Variants in DNAAF11 observed in about 807,000 individuals in gnomAD.
The protein encoded by DNAAF11 is leucine rich repeat containing 6.
Under a neutral mutation model 60.8 loss-of-function variants are expected in DNAAF11, and 45 were observed. That is an observed-to-expected ratio of 0.74 (90% CI 0.58 to 0.95). The LOEUF (loss-of-function observed/expected upper bound fraction) is 0.95, where lower values mean the gene tolerates loss of function less well. Among genes scored for constraint, DNAAF11 ranks in the 40% least tolerant of loss-of-function variants. The pLI, the probability that DNAAF11 is intolerant of heterozygous loss-of-function variation, is 0.00. For synonymous variants in DNAAF11, 191 were observed against 183.5 expected (o/e 1.04, Z -0.33); for missense variants, 546 against 546.2 (o/e 1.00, Z 0.00).
rs1013353433 is a variant in DNAAF11 at position 132,675,246 on chromosome 8, G to A, written c.10+238C>T. On this transcript the variant is annotated intron_variant, in intron 1 of 11. Transcript: ENST00000620350. ...TTCTGCCTCTTCCTCCCCTTCCCAC[G>A]GCCCCGCCCATTTTACAGATTAGGA... is the stretch of plus-strand genomic sequence containing the variant. 6.8e-6 allele frequency: 3 copies of A among 439,186 alleles called. No individual in the cohort carries two copies. In the Admixed American group the frequency reaches 1.3e-4, roughly 19 times the overall value. The allele number at this position is 439,186 out of a possible 1,614,324, so 27.2% of individuals were successfully genotyped here. A position where few individuals can be genotyped will look rare whatever the true frequency, so the allele number is the denominator to read the frequency against.
intron 2 of DNAAF11, among the ~76,000 whole-genome samples, chr8:132,660,859 G>A (rs959789146): frequency 1.3e-5 from 2 of 152,160 alleles, no homozygotes; most frequent in South Asian, 2.1e-4. Flanking sequence ...TAATTCTGAG[G>A]GCAATATTAG....
chr8:132,644,767 C>T (rs536620047), intron 3 of DNAAF11, among the ~76,000 whole-genome samples: 37 of 152,286 alleles, frequency 2.4e-4, no homozygotes, highest in Non-Finnish European at 4.7e-4. Context: ...AACTGCAAGG[C>T]GGCAGCAAGG....
intron 10 of DNAAF11, among the ~76,000 whole-genome samples, chr8:132,589,450 C>T (rs1290599255): frequency 1.3e-5 from 2 of 152,190 alleles, no homozygotes; most frequent in Admixed American, 6.5e-5. Flanking sequence ...ATTTTACACA[C>T]GTCCTTATTT....
intron 10 of DNAAF11, among the ~76,000 whole-genome samples, chr8:132,598,333 C>A (rs1563998016): frequency 6.6e-6 from 1 of 152,108 alleles, no homozygotes; most frequent in Non-Finnish European, 1.5e-5. Flanking sequence ...CATGACACAT[C>A]TATTTATTAA....
At chr8:132,635,104 A>G (rs985096864) in intron 4 of DNAAF11, among the ~76,000 whole-genome samples, 1 of 152,168 alleles carries the variant, frequency 6.6e-6, no homozygotes, top group African/African-American at 2.4e-5. Context: ...TTGGGACTGT[A>G]CCCCAGCACC....
At position 132,661,534 on chromosome 8, in the gene DNAAF11, C is replaced by T; in HGVS notation, c.104G>A (p.Arg35Lys). Residue 35 changes from arginine (R) to lysine (K), a missense_variant, in exon 2 of 12, where the codon AGA becomes AAA. Physicochemically the swap from Arg to Lys is conservative, Grantham distance 26. Coordinates refer to ENST00000620350, the MANE Select transcript of DNAAF11 (RefSeq NM_012472.6). ...GCACCATTTATCAATGTGTTCTAGTCTTTCTATTTCTTGCTGATGCAACGA... is the reference window on the plus strand; with the variant it reads ...GCACCATTTATCAATGTGTTCTAGTTTTTCTATTTCTTGCTGATGCAACGA... ...ELSLHQQEIE[R>K]LEHIDKWCRD... The T allele has an allele frequency of 6.2e-7, 1 of 1,613,818 alleles. No homozygotes were observed. The highest frequency in any genetic ancestry group is 8.5e-7 in the Non-Finnish European group (1 of 1,179,760).
At chr8:132,685,024 C>CTCAG in the DNAAF11 span, 1 of 151,518 alleles carries the variant, frequency 6.6e-6, no homozygotes, top group African/African-American at 2.4e-5. Flanking sequence ...AGAGTTTTTA[C>CTCAG]TTAGTTTATT....
chr8:132,685,530 C>A, the DNAAF11 span, among the ~76,000 whole-genome samples: 2 of 152,142 alleles, frequency 1.3e-5, no homozygotes, highest in African/African-American at 4.8e-5. Context: ...TGTGAGAAGA[C>A]TTTGTCATAT....
chr8:132,669,873 A>G (rs1265686512), intron 1 of DNAAF11, among the ~76,000 whole-genome samples: 2 of 150,592 alleles, frequency 1.3e-5, no homozygotes, highest in African/African-American at 2.4e-5. Flanking sequence ...CCCAGGAGGC[A>G]GAGCTTGCAG....
intron 5 of DNAAF11, 105 bp downstream of exon 5, chr8:132,632,635 C>T (rs755317916): frequency 4.2e-4 from 318 of 763,248 alleles, no homozygotes; most frequent in Non-Finnish European, 6.7e-4. Context: ...TTTCATTCTT[C>T]AAATTAATCT....
intron 3 of DNAAF11, chr8:132,643,743 A>C: frequency 2.2e-6 from 1 of 456,020 alleles, no homozygotes; most frequent in Non-Finnish European, 4.4e-6. Flanking sequence ...CAATACTTGG[A>C]GACAAGCATA....
chr8:132,649,214 C>A (rs1292840170), intron 3 of DNAAF11, among the ~76,000 whole-genome samples: 2 of 152,278 alleles, frequency 1.3e-5, no homozygotes, highest in East Asian at 3.9e-4. Flanking sequence ...AATAACACCA[C>A]ACATCTACAA....
the DNAAF11 span, among the ~76,000 whole-genome samples, chr8:132,695,340 G>C: frequency 6.6e-6 from 1 of 152,148 alleles, no homozygotes. Flanking sequence ...CTGTAGGAGG[G>C]AGGGGACAAT....
At chr8:132,698,657 T>C in the DNAAF11 span, among the ~76,000 whole-genome samples, 3 of 152,116 alleles carry the variant, frequency 2.0e-5, no homozygotes, top group Non-Finnish European at 2.9e-5. Context: ...ATGGGTCATA[T>C]CCAGCCATCC....
At chr8:132,695,936 T>C in the DNAAF11 span, among the ~76,000 whole-genome samples, 6 of 151,954 alleles carry the variant, frequency 3.9e-5, no homozygotes, top group African/African-American at 1.5e-4. Flanking sequence ...TGAGGATAAG[T>C]GAAAAGGTGT....
intron 7 of DNAAF11, among the ~76,000 whole-genome samples, chr8:132,617,378 A>G (rs1316798978): frequency 1.3e-5 from 2 of 152,276 alleles, no homozygotes; most frequent in East Asian, 3.9e-4. Flanking sequence ...TAAAGGGAAG[A>G]AATTGCTTTA....
chr8:132,590,920 C>T (rs1278151745), intron 10 of DNAAF11, among the ~76,000 whole-genome samples: 1 of 152,206 alleles, frequency 6.6e-6, no homozygotes, highest in Non-Finnish European at 1.5e-5. Context: ...AAATTATATA[C>T]TTTGATCTAC....
chr8:132,605,607 G>C (rs1475816505), intron 10 of DNAAF11, among the ~76,000 whole-genome samples: 1 of 152,036 alleles, frequency 6.6e-6, no homozygotes, highest in African/African-American at 2.4e-5. Context: ...ATTCTTGTTG[G>C]GGAAAATAGA....
In DNAAF11 at chr8:132,632,207, T is replaced by C. The variant is rs541601984; in HGVS notation, c.653+533A>G. Among the ~76,000 whole-genome samples the C allele has an allele frequency of 2.0e-5, 3 of 152,266 alleles. No homozygotes were observed. In the South Asian group the frequency reaches 6.2e-4, roughly 32 times the overall value. On this transcript the variant is annotated intron_variant, in intron 5 of 11. Coordinates refer to ENST00000620350, the MANE Select transcript of DNAAF11 (RefSeq NM_012472.6). The stretch of plus-strand genomic sequence containing the variant: ...TTATCTAAATACTTAATACTTTCAC[T>C]GTATGGAATCAAATCAACTGACTAT...
Sources: gnomAD v4.1 joint callset for allele counts (sites outside exome capture counted in the v4.1 genomes callset) on GRCh38, gnomAD v4.1.1 for gene constraint, MANE v1.5 for transcripts, NCBI Gene and HGNC (gene_info 2026-07-23, HGNC 2026-07-21) for gene names.